Variants in ITGB8 observed in about 807,000 individuals in gnomAD.
ITGB8 encodes the protein integrin subunit beta 8, also known as integrin beta-8.
ITGB8 carries 30 observed loss-of-function variants against 89.5 expected under a neutral mutation model. The observed-to-expected ratio is 0.34, with a 90% CI of 0.25 to 0.45. The LOEUF (loss-of-function observed/expected upper bound fraction) is 0.45. Among genes scored for constraint, ITGB8 ranks in the 20% least tolerant of loss-of-function variants. ITGB8 has a pLI of 1.00. For synonymous variants in ITGB8, 335 were observed against 320.4 expected (o/e 1.05, Z -0.49); for missense variants, 836 against 933.3 (o/e 0.90, Z 1.36).
intron 1 of ITGB8, among the ~76,000 whole-genome samples, chr7:20,358,333 T>C (rs762873547): frequency 6.6e-6 from 1 of 152,314 alleles, no homozygotes; most frequent in Admixed American, 6.5e-5. Flanking sequence ...CCAGAACTGC[T>C]GGTACAGTTA....
intron 4 of ITGB8, 45 bp from the exon 5 acceptor site, chr7:20,380,621 T>C (rs910828056): frequency 6.6e-7 from 1 of 1,526,630 alleles, no homozygotes. Context: ...CCAGAATGCT[T>C]AAGAAGAGCA....
At chr7:20,342,316 A>G (rs940691735) in intron 1 of ITGB8, among the ~76,000 whole-genome samples, 2 of 152,222 alleles carry the variant, frequency 1.3e-5, no homozygotes, top group Non-Finnish European at 2.9e-5. Context: ...TGAAAGTCCC[A>G]AGAAATATAG....
chr7:20,413,548 T>A lies in ITGB8; in HGVS notation c.*3551T>A, dbSNP rs1787835698. On this transcript the variant is annotated 3_prime_UTR_variant, in exon 14 of 14. Coordinates refer to ENST00000222573, the MANE Select transcript of ITGB8 (RefSeq NM_002214.3). Reference sequence around the variant, plus strand: ...CTTTTCTTACTCCTGTTTTTTCCACTCACTCTTCCCAAGAGATTTCCTAAA... The same window carrying A: ...CTTTTCTTACTCCTGTTTTTTCCACACACTCTTCCCAAGAGATTTCCTAAA... 6.6e-6 allele frequency: 1 copy of A among 152,334 alleles called. No homozygotes were observed. 9.4% of individuals were successfully genotyped at this position (152,334 alleles called of 1,614,324 possible). A position where few individuals can be genotyped will look rare whatever the true frequency, so the allele number is the denominator to read the frequency against.
intron 7 of ITGB8, among the ~76,000 whole-genome samples, chr7:20,392,512 T>C (rs945624025): frequency 1.3e-5 from 2 of 152,238 alleles, no homozygotes; most frequent in African/African-American, 4.8e-5. Context: ...TAGAAATCTA[T>C]GGTGAAGCTT....
intron 4 of ITGB8, chr7:20,380,437 TA>T (rs1786331348): frequency 4.3e-6 from 2 of 459,848 alleles, no homozygotes; most frequent in Admixed American, 4.2e-5. Flanking sequence ...TAATCATCTT[TA>T]TTTTTTTGAA....
At chr7:20,360,220 AG>A (rs577553761) in intron 1 of ITGB8, among the ~76,000 whole-genome samples, 83 of 152,278 alleles carry the variant, frequency 5.5e-4, no homozygotes, top group African/African-American at 1.8e-3. Flanking sequence ...GTACTATGGA[AG>A]TAGGAGCCTT....
chr7:20,338,742 G>C (rs1284708495), intron 1 of ITGB8, among the ~76,000 whole-genome samples: 1 of 152,160 alleles, frequency 6.6e-6, no homozygotes, highest in Non-Finnish European at 1.5e-5. Context: ...TCATGTCAAA[G>C]TGTTTTTATA....
chr7:20,409,792 A>T lies in ITGB8; in HGVS notation c.2187+14A>T, dbSNP rs1174836443. ...GCCTCAAAAAAGGTCAGTGAATTCT[A>T]AAAAAGAACTGCTAACAGTATGTTA... is the stretch of plus-strand genomic sequence containing the variant. On this transcript the variant is annotated intron_variant, in intron 13 of 13. Transcript: ENST00000222573. 2 of 1,611,878 alleles carry T rather than the reference A, an allele frequency of 1.2e-6. No homozygotes were observed. Among genetic ancestry groups the T allele is most frequent in the Non-Finnish European group, 1.7e-6 (2 of 1,178,690 alleles).
At chr7:20,338,738 C>A (rs1784655897) in intron 1 of ITGB8, among the ~76,000 whole-genome samples, 1 of 152,124 alleles carries the variant, frequency 6.6e-6, no homozygotes, top group South Asian at 2.1e-4. Flanking sequence ...TACCTCATGT[C>A]AAAGTGTTTT....
intron 6 of ITGB8, among the ~76,000 whole-genome samples, chr7:20,382,418 T>C (rs1425850841): frequency 6.6e-6 from 1 of 152,228 alleles, no homozygotes; most frequent in Non-Finnish European, 1.5e-5. Flanking sequence ...ACTATCTGGC[T>C]TGCTTCCTGA....
At chr7:20,396,326 G>A (rs1030714992) in intron 8 of ITGB8, among the ~76,000 whole-genome samples, 77 of 151,802 alleles carry the variant, frequency 5.1e-4, no homozygotes, top group Non-Finnish European at 8.4e-4. Flanking sequence ...CCAGCTACTC[G>A]GGAGGCTGAG....
chr7:20,347,945 T>A (rs530815341), intron 1 of ITGB8, among the ~76,000 whole-genome samples: 1 of 152,370 alleles, frequency 6.6e-6, no homozygotes, highest in African/African-American at 2.4e-5. Context: ...ATTTAAACAT[T>A]GCTAAGTGCT....
chr7:20,357,894 A>G lies in ITGB8; in HGVS notation c.128-5743A>G, dbSNP rs145378551. 1.8e-3 allele frequency among the ~76,000 whole-genome samples: 281 copies of G among 152,286 alleles called. 1 individual carries two copies. The highest frequency in any genetic ancestry group is 2.3e-3 in the Non-Finnish European group (155 of 68,018). On this transcript the variant is annotated intron_variant, in intron 1 of 13. Transcript: ENST00000222573. ...CTTAGAATATACACACTTATTGACA[A>G]TATGCAATTAAATCTTTTTCTGATT...
intron 1 of ITGB8, among the ~76,000 whole-genome samples, chr7:20,333,386 C>G (rs997921319): frequency 6.6e-6 from 1 of 152,062 alleles, no homozygotes; most frequent in Non-Finnish European, 1.5e-5. Flanking sequence ...GCATTTGTTG[C>G]AGCAAATTTT....
At chr7:20,363,820 A>T in intron 2 of ITGB8, 98 bp downstream of exon 2, 1 of 576,518 alleles carries the variant, frequency 1.7e-6, no homozygotes, top group Non-Finnish European at 2.8e-6. Flanking sequence ...CATCAGGAAA[A>T]ATAAAGATAC....
Position 20,331,325 on chromosome 7 carries a change from C to T in ITGB8, c.-482C>T. On this transcript the variant is annotated 5_prime_UTR_variant, in exon 1 of 14. Coordinates refer to ENST00000222573, the MANE Select transcript of ITGB8 (RefSeq NM_002214.3). The stretch of plus-strand genomic sequence containing the variant: ...TTTTCCCCTCGACCTCGCCGGCGTC[C>T]CCTCCCACAGATCCAGCATCACCCA... 2 of 387,916 alleles carry T rather than the reference C, an allele frequency of 5.2e-6. No homozygotes were observed. Among genetic ancestry groups the T allele is most frequent in the Non-Finnish European group, 9.1e-6 (2 of 219,744 alleles). 24.0% of individuals were successfully genotyped at this position (387,916 alleles called of 1,614,324 possible).
intron 3 of ITGB8, among the ~76,000 whole-genome samples, chr7:20,369,520 G>A (rs958952334): frequency 3.3e-5 from 5 of 152,056 alleles, no homozygotes; most frequent in Non-Finnish European, 4.4e-5. Context: ...CCATCATGTC[G>A]GCTCCATCCT....
chr7:20,349,163 G>T (rs138942762), intron 1 of ITGB8, among the ~76,000 whole-genome samples: 2 of 152,162 alleles, frequency 1.3e-5, no homozygotes, highest in African/African-American at 4.8e-5. Flanking sequence ...ATAATTCAGA[G>T]TTCCTTTTTG....
chr7:20,394,783 T>C (rs1583531054), intron 7 of ITGB8, 113 bp from the exon 8 acceptor site: 1 of 724,782 alleles, frequency 1.4e-6, no homozygotes, highest in Non-Finnish European at 2.4e-6. Flanking sequence ...TAGGTTTTCA[T>C]TCATTTAATG....
Sources: allele counts gnomAD v4.1 joint callset (sites outside exome capture counted in the v4.1 genomes callset), GRCh38; gene constraint gnomAD v4.1.1; transcripts MANE v1.5; gene names NCBI Gene and HGNC (gene_info 2026-07-23, HGNC 2026-07-21).